Variants in FAM135A observed in about 807,000 individuals in gnomAD.
FAM135A encodes protein FAM135A.
In FAM135A, 79 loss-of-function variants were observed where a neutral mutation model predicts 146.8. That is an observed-to-expected ratio of 0.54 (90% CI 0.45 to 0.65). The LOEUF is 0.65. FAM135A is among the 30% of genes least tolerant of loss of function. The pLI, the probability that FAM135A is intolerant of heterozygous loss-of-function variation, is 0.00. For synonymous variants in FAM135A, 562 were observed against 603.6 expected (o/e 0.93, Z 1.01); for missense variants, 1,623 against 1,758.2 (o/e 0.92, Z 1.38).
chr6:70,420,198 C>G (rs968162828), intron 2 of FAM135A, among the ~76,000 whole-genome samples: 5 of 152,164 alleles, frequency 3.3e-5, no homozygotes, highest in Admixed American at 1.3e-4. Context: ...TCTTTACCCT[C>G]TAGCTTAGGA....
intron 4 of FAM135A, among the ~76,000 whole-genome samples, chr6:70,429,427 C>T (rs1428751221): frequency 1.3e-5 from 2 of 151,896 alleles, no homozygotes; most frequent in African/African-American, 2.4e-5. Context: ...GCAGGAGAAT[C>T]GCTTGAATCC....
chr6:70,511,191 A>G (rs1386748077), intron 12 of FAM135A, among the ~76,000 whole-genome samples: 1 of 151,926 alleles, frequency 6.6e-6, no homozygotes, highest in Non-Finnish European at 1.5e-5. Flanking sequence ...CCCTTATCTG[A>G]TACATAATTT....
At chr6:70,521,893 A>G (rs1453939185) in intron 12 of FAM135A, among the ~76,000 whole-genome samples, 1 of 152,202 alleles carries the variant, frequency 6.6e-6, no homozygotes, top group African/African-American at 2.4e-5. Flanking sequence ...TGCAAAGGTC[A>G]TCAAAACATA....
Position 70,414,141 on chromosome 6 carries a change from C to A in FAM135A, c.-220+439C>A, listed in dbSNP as rs1766953485. 5 of 672,068 alleles carry A rather than the reference C, an allele frequency of 7.4e-6. No individual in the cohort carries two copies. In the South Asian group the frequency reaches 2.6e-4, roughly 36 times the overall value. The allele number at this position is 672,068 out of a possible 1,614,324, so 41.6% of individuals were successfully genotyped here. A position where few individuals can be genotyped will look rare whatever the true frequency, so the allele number is the denominator to read the frequency against. On this transcript the variant is annotated intron_variant, in intron 1 of 21. Coordinates refer to ENST00000418814, the MANE Select transcript of FAM135A (RefSeq NM_001162529.3). ...CGGGTGGTCCCTCCTTGGGAAGCAG[C>A]GTATCTCTGTGCTTCCATCCCTTGC...
Position 70,560,440 on chromosome 6 carries a change from A to T in FAM135A, c.*519A>T, listed in dbSNP as rs1425948171. ...TGTAGTTCTAAAATACAACTTTATC[A>T]TACAATCAAACCAGGTAGTTCATAT... On this transcript the variant is annotated 3_prime_UTR_variant, in exon 22 of 22. Coordinates refer to ENST00000418814, the MANE Select transcript of FAM135A (RefSeq NM_001162529.3). 1 of 153,054 alleles carries T rather than the reference A, an allele frequency of 6.5e-6. No homozygotes were observed. The highest frequency in any genetic ancestry group is 1.5e-5 in the Non-Finnish European group (1 of 68,360). The allele number at this position is 153,054 out of a possible 1,614,324, so 9.5% of individuals were successfully genotyped here.
intron 16 of FAM135A, among the ~76,000 whole-genome samples, chr6:70,530,008 G>A (rs1795494680): frequency 6.6e-6 from 1 of 152,090 alleles, no homozygotes; most frequent in Non-Finnish European, 1.5e-5. Flanking sequence ...AGCTTGCGGT[G>A]AGCTGAGATC....
intron 16 of FAM135A, among the ~76,000 whole-genome samples, chr6:70,532,474 A>C (rs1796009090): frequency 6.6e-6 from 1 of 152,208 alleles, no homozygotes; most frequent in Non-Finnish European, 1.5e-5. Context: ...TCAACAGATT[A>C]AATCTAAAAT....
At chr6:70,477,533 C>CA (rs1376846897) in intron 8 of FAM135A, among the ~76,000 whole-genome samples, 4 of 152,088 alleles carry the variant, frequency 2.6e-5, no homozygotes, top group Non-Finnish European at 1.5e-5. Context: ...AAAGGGGGAG[C>CA]AGGCATCTCA....
At chr6:70,518,256 C>A (rs975232149) in intron 12 of FAM135A, among the ~76,000 whole-genome samples, 3 of 152,084 alleles carry the variant, frequency 2.0e-5, no homozygotes, top group Admixed American at 6.5e-5. Flanking sequence ...TAAGTCAAAG[C>A]CTAATCCACA....
chr6:70,432,522 T>G (rs1771905711), intron 4 of FAM135A, among the ~76,000 whole-genome samples: 1 of 152,184 alleles, frequency 6.6e-6, no homozygotes, highest in Admixed American at 6.5e-5. Flanking sequence ...TATAATGAAC[T>G]TAACAAAACA....
chr6:70,503,555 G>C (rs1259049040), intron 12 of FAM135A: 3 of 152,046 alleles, frequency 2.0e-5, no homozygotes, highest in Non-Finnish European at 2.9e-5. Flanking sequence ...TCAAGAAGTA[G>C]AACACTCTCA....
At chr6:70,439,315 A>G (rs573002422) in intron 4 of FAM135A, among the ~76,000 whole-genome samples, 1 of 152,274 alleles carries the variant, frequency 6.6e-6, no homozygotes. Flanking sequence ...GTAAGGGGAG[A>G]CTATTGTATT....
At chr6:70,531,304 C>G (rs1172501997) in intron 16 of FAM135A, among the ~76,000 whole-genome samples, 1 of 152,206 alleles carries the variant, frequency 6.6e-6, no homozygotes, top group Non-Finnish European at 1.5e-5. Context: ...TTTGACTGGA[C>G]CGCTTCTACC....
chr6:70,505,106 TTACA>T lies in FAM135A; in HGVS notation c.1029+2321_1029+2324del, dbSNP rs569319007. ...TATATATATATGCATACATATATAC[TTACA>T]TACATTGTTTTTCCTGAACAATATG... On this transcript the variant is annotated intron_variant, in intron 12 of 21. Coordinates refer to ENST00000418814, the MANE Select transcript of FAM135A (RefSeq NM_001162529.3). The T allele has an allele frequency of 9.1e-4, 139 of 151,998 alleles. 3 individuals carry two copies. The highest frequency in any genetic ancestry group is 4.0e-3 in the Admixed American group (61 of 15,258). The allele number at this position is 151,998 out of a possible 1,614,324, so 9.4% of individuals were successfully genotyped here. A position where few individuals can be genotyped will look rare whatever the true frequency, so the allele number is the denominator to read the frequency against.
At chr6:70,533,057 C>A in intron 16 of FAM135A, 103 bp from the exon 17 acceptor site, 1 of 844,118 alleles carries the variant, frequency 1.2e-6, no homozygotes, top group Non-Finnish European at 2.0e-6. Flanking sequence ...TCACAAATGG[C>A]ATAGGCCATA....
chr6:70,475,416 C>G lies in FAM135A; in HGVS notation c.164C>G (p.Thr55Ser). Reference sequence around the variant, plus strand: ...CATATCTTATCTGTTTTAGGTATGACTTTAGCCTTTCCAGCCTCAGTTCAT... The same window carrying G: ...CATATCTTATCTGTTTTAGGTATGAGTTTAGCCTTTCCAGCCTCAGTTCAT... ...EASLLHATGM[T>S]LAFPASVHDS... Residue 55 changes from threonine (T) to serine (S), a missense_variant, in exon 6 of 22, where the codon ACT (threonine) becomes AGT (serine). Coordinates refer to ENST00000418814, the MANE Select transcript of FAM135A (RefSeq NM_001162529.3). 6.3e-7 allele frequency: 1 copy of G among 1,581,200 alleles called. No homozygotes were observed. The highest frequency in any genetic ancestry group is 8.6e-7 in the Non-Finnish European group (1 of 1,164,564).
rs949863699 is a variant in FAM135A at position 70,525,266 on chromosome 6, T to G, written c.2182T>G (p.Ser728Ala). Residue 728 changes from serine to alanine, a missense_variant, in exon 15 of 22, where the codon TCA (serine) becomes GCA (alanine). This residue lies in a region of FAM135A where 1,061 missense variants were observed against 1,113.8 expected (regional missense o/e 0.95). Transcript: ENST00000418814. Reference protein sequence around the residue: ...QEAKCLSIGESLTKLRSNLPA... With the variant: ...QEAKCLSIGEALTKLRSNLPA... The stretch of plus-strand genomic sequence containing the variant: ...AGCAAAGTGTCTTTCTATTGGAGAA[T>G]CATTAACTAAATTACGAAGTAATCT... 3.7e-6 allele frequency: 6 copies of G among 1,600,358 alleles called. No homozygotes were observed. The South Asian group carries it at 5.7e-5, about 15-fold the overall frequency.
chr6:70,473,280 A>G (rs1313864843), intron 5 of FAM135A, among the ~76,000 whole-genome samples: 1 of 152,202 alleles, frequency 6.6e-6, no homozygotes, highest in Non-Finnish European at 1.5e-5. Flanking sequence ...AACCATTTCT[A>G]CAAAGCTGTG....
chr6:70,556,927 TGTA>T (rs1252892846), intron 21 of FAM135A, 64 bp downstream of exon 21: 4 of 1,235,562 alleles, frequency 3.2e-6, no homozygotes, highest in Non-Finnish European at 4.7e-6. Context: ...AAATTTTTCT[TGTA>T]GTCACTTTCT....
Sources: gnomAD v4.1 joint callset for allele counts (sites outside exome capture counted in the v4.1 genomes callset) on GRCh38, gnomAD v4.1.1 for gene constraint, gnomAD v4.1.1 regional missense constraint, MANE v1.5 for transcripts, NCBI Gene and HGNC (gene_info 2026-07-23, HGNC 2026-07-21) for gene names.